Variants in CDKL5 observed in about 807,000 individuals in gnomAD.
The protein encoded by CDKL5 is cyclin-dependent kinase-like 5.
Under a neutral mutation model 61.7 loss-of-function variants are expected in CDKL5, and 8 were observed. The ratio of observed to expected loss-of-function variants is 0.13; its 90% confidence interval spans 0.08 to 0.23. The LOEUF is 0.23. Among genes scored for constraint, CDKL5 ranks in the 10% least tolerant of loss-of-function variants. CDKL5 has a pLI of 1.00. For missense variants in CDKL5, 440 were observed against 734.5 expected, an observed-to-expected ratio of 0.60 and a Z score of 4.63; for synonymous variants, 275 against 272.3, an observed-to-expected ratio of 1.01 and a Z score of -0.10.
At chrX:18,474,338 C>T (rs1480700551) in intron 1 of CDKL5, among the ~76,000 whole-genome samples, 1 of 111,060 alleles carries the variant, frequency 9.0e-6, no homozygotes, top group Non-Finnish European at 1.9e-5. Context: ...TTGATTATTT[C>T]CCCGAAAACC....
At chrX:18,429,494 A>C (rs1379051567) in intron 1 of CDKL5, among the ~76,000 whole-genome samples, 1 of 112,141 alleles carries the variant, frequency 8.9e-6, no homozygotes, top group Non-Finnish European at 1.9e-5. Flanking sequence ...ATACATGTCA[A>C]ATGGGCTCAG....
rs1205242877 is a variant in CDKL5, at chrX:18,631,671, G to A, written c.*2914G>A. On this transcript the variant is annotated 3_prime_UTR_variant, in exon 18 of 18. Coordinates refer to ENST00000623535, the MANE Select transcript of CDKL5 (RefSeq NM_001323289.2). The stretch of plus-strand genomic sequence containing the variant: ...GAATGAAAGCTTATGTTACTTTTAT[G>A]AAAGTATCACTGATCTCCTTTGGAA... The A allele has an allele frequency of 3.2e-5, 24 of 749,786 alleles. No homozygotes were observed. The highest frequency in any genetic ancestry group is 3.6e-5 in the Non-Finnish European group (23 of 635,998). 61.8% of individuals were successfully genotyped at this position (749,786 alleles called of 1,213,427 possible).
chrX:18,628,035 AG>A (rs1207865484), intron 17 of CDKL5, among the ~76,000 whole-genome samples: 1 of 111,503 alleles, frequency 9.0e-6, no homozygotes, highest in Non-Finnish European at 1.9e-5. Flanking sequence ...CTCAAAACAG[AG>A]AAACATACAC....
intron 17 of CDKL5, among the ~76,000 whole-genome samples, chrX:18,626,439 A>G (rs1353831020): frequency 9.1e-6 from 1 of 109,541 alleles, no homozygotes; most frequent in Non-Finnish European, 1.9e-5. Context: ...TTCCCATTCT[A>G]TTTGCCCCAG....
In CDKL5 at chrX:18,603,908, A is replaced by G. The variant is rs2147160092; in HGVS notation, c.984A>G (p.Gln328=). The part of the protein sequence containing the change: ...VESSTLSNRN[Q]AGKSTALQSH... ...TCTTTTGTTTTTAACATAGAAACCAAGCCGGCAAAAGTACTGCTTTGCAGT... is the reference window on the plus strand; with the variant it reads ...TCTTTTGTTTTTAACATAGAAACCAGGCCGGCAAAAGTACTGCTTTGCAGT... Residue 328 remains glutamine (Q), a synonymous_variant, in exon 12 of 18, where the codon CAA becomes CAG. Transcript: ENST00000623535. 2.5e-6 allele frequency: 3 copies of G among 1,211,288 alleles called. No individual in the cohort carries two copies. The highest frequency in any genetic ancestry group is 3.4e-6 in the Non-Finnish European group (3 of 895,002).
chrX:18,523,389 T>G (rs1435460821), intron 3 of CDKL5, among the ~76,000 whole-genome samples: 3 of 111,810 alleles, frequency 2.7e-5, no homozygotes, highest in Non-Finnish European at 5.6e-5. Context: ...ATTTGTCCTT[T>G]TGTGTCCGAT....
At chrX:18,443,772 A>G (rs897843833) in intron 1 of CDKL5, 1 of 110,994 alleles carries the variant, frequency 9.0e-6, no homozygotes, top group African/African-American at 3.3e-5. Context: ...TTGTGTTCAT[A>G]AGTTCTTATC....
Position 18,628,518 on chromosome X carries a change from G to T in CDKL5, c.2644G>T (p.Ala882Ser), listed in dbSNP as rs1927141265. ...AATTCGGATTCACCCCCTGAGCCAG[G>T]CCTCTGGCGGGAGCAGCAACATCCG... ...SEIRIHPLSQ[A>S]SGGSSNIRQE... The change falls in exon 18 of 18, where the codon GCC (alanine) becomes TCC (serine). Residue 882 changes from alanine to serine, a missense_variant. Ala to Ser is a moderately conservative substitution (Grantham distance 99, BLOSUM62 1). Around this residue, in one of 2 missense-constraint regions of CDKL5, gnomAD observed 363 missense variants for 516.3 expected, o/e 0.70. Coordinates refer to ENST00000623535, the MANE Select transcript of CDKL5 (RefSeq NM_001323289.2). The T allele has an allele frequency of 8.3e-7, 1 of 1,211,967 alleles. No homozygotes were observed. Among genetic ancestry groups the T allele is most frequent in the African/African-American group, 1.7e-5 (1 of 57,848 alleles).
chrX:18,548,134 T>G (rs1192187798), intron 3 of CDKL5, among the ~76,000 whole-genome samples: 1 of 95,835 alleles, frequency 1.0e-5, no homozygotes, highest in Non-Finnish European at 2.2e-5. Context: ...AGCTAGAAAG[T>G]TTTTTTTTTT....
chrX:18,443,451 A>G (rs925092019), intron 1 of CDKL5, among the ~76,000 whole-genome samples: 3 of 112,036 alleles, frequency 2.7e-5, no homozygotes, highest in African/African-American at 9.7e-5. Context: ...TCATCCAGGT[A>G]ATAAGCCCAG....
intron 14 of CDKL5, among the ~76,000 whole-genome samples, chrX:18,611,959 G>C (rs1345673496): frequency 9.0e-6 from 1 of 111,418 alleles, no homozygotes; most frequent in African/African-American, 3.3e-5. Flanking sequence ...GTGAAATTGT[G>C]TCATTTATCT....
intron 3 of CDKL5, among the ~76,000 whole-genome samples, chrX:18,553,210 T>C (rs1002597357): frequency 2.7e-5 from 3 of 111,007 alleles, no homozygotes; most frequent in African/African-American, 9.9e-5. Flanking sequence ...TTCTGGCTAG[T>C]GTTTACTGAG....
chrX:18,583,194 G>T (rs1925536662), intron 7 of CDKL5, among the ~76,000 whole-genome samples: 1 of 111,545 alleles, frequency 9.0e-6, no homozygotes, highest in Non-Finnish European at 1.9e-5. Flanking sequence ...CCATAGAATG[G>T]TTAGTAGTAG....
chrX:18,452,819 GTTTTTTTTTTTT>G lies in CDKL5; in HGVS notation c.-163+27142_-163+27153del, dbSNP rs757726659. Among the ~76,000 whole-genome samples the G allele has an allele frequency of 4.1e-3, 236 of 57,648 alleles. 1 individual carries two copies. Among genetic ancestry groups the G allele is most frequent in the Middle Eastern group, 0.019 (2 of 106 alleles). 50.1% of individuals were successfully genotyped at this position (57,648 alleles called of 115,157 possible). Reference sequence around the variant, plus strand: ...CATCACTATTTATAATAGTTCTCAAGTTTTTTTTTTTTTTTTTTTTTTTTTTTTTGAGACTGT... The same window carrying G: ...CATCACTATTTATAATAGTTCTCAAGTTTTTTTTTTTTTTTTTGAGACTGT... On this transcript the variant is annotated intron_variant, in intron 1 of 17. Transcript: ENST00000623535.
At chrX:18,570,340 G>A (rs1308007663) in intron 4 of CDKL5, among the ~76,000 whole-genome samples, 2 of 111,865 alleles carry the variant, frequency 1.8e-5, no homozygotes, top group Admixed American at 1.9e-4. Context: ...CTAGGATTTG[G>A]TGATCATTTT....
chrX:18,487,919 G>C (rs1322420229), intron 1 of CDKL5, among the ~76,000 whole-genome samples: 1 of 110,824 alleles, frequency 9.0e-6, no homozygotes, highest in African/African-American at 3.3e-5. Context: ...CCGTCTCGGG[G>C]GAAGAAAAAA....
In CDKL5 at chrX:18,604,679, G is replaced by C. The variant is rs779156340; in HGVS notation, c.1755G>C (p.Leu585=). The C allele has an allele frequency of 1.7e-6, 2 of 1,211,851 alleles. No homozygotes were observed. Among genetic ancestry groups the C allele is most frequent in the Non-Finnish European group, 1.1e-6 (1 of 895,294 alleles). The part of the protein sequence containing the change: ...EHMDSSHSHS[L]SAPHESFSYG... ...TGGACAGTAGCCATTCCCATTCACT[G>C]TCTGCACCTCACGAATCTTTTTCTT... Residue 585 remains leucine, a synonymous_variant, in exon 12 of 18, where the codon CTG becomes CTC. Transcript: ENST00000623535.
At chrX:18,428,786 C>T (rs1297802902) in intron 1 of CDKL5, among the ~76,000 whole-genome samples, 1 of 107,184 alleles carries the variant, frequency 9.3e-6, no homozygotes, top group African/African-American at 3.4e-5. Flanking sequence ...TTAAAGGAGG[C>T]GACAGAATCT....
intron 3 of CDKL5, among the ~76,000 whole-genome samples, chrX:18,550,907 T>G (rs773762923): frequency 8.9e-6 from 1 of 112,783 alleles, no homozygotes; most frequent in African/African-American, 3.2e-5. Context: ...TTGCAGACAA[T>G]TTGGTGTGAA....
Sources: gnomAD v4.1 joint callset for allele counts (sites outside exome capture counted in the v4.1 genomes callset) on GRCh38, gnomAD v4.1.1 for gene constraint, gnomAD v4.1.1 regional missense constraint, MANE v1.5 for transcripts, NCBI Gene and HGNC (gene_info 2026-07-23, HGNC 2026-07-21) for gene names.